The following HDAC8 variants were observed in gnomAD, a reference collection of about 807,000 sequenced individuals.
HDAC8 encodes histone deacetylase 8.
HDAC8 carries 1 observed loss-of-function variant against 32.2 expected under a neutral mutation model. That is an observed-to-expected ratio of 0.03 (90% CI 0.01 to 0.15). The LOEUF (loss-of-function observed/expected upper bound fraction) is 0.15. HDAC8 is among the 10% of genes least tolerant of loss of function. The probability of loss-of-function intolerance (pLI) is 1.00; values close to 1 mark genes in which losing one functional copy is unlikely to be tolerated. For synonymous variants in HDAC8, 108 were observed against 113.9 expected (o/e 0.95, Z 0.33); for missense variants, 117 against 300.0 (o/e 0.39, Z 4.51).
chrX:72,386,504 G>A (rs1182270703), intron 9 of HDAC8, among the ~76,000 whole-genome samples: 1 of 111,263 alleles, frequency 9.0e-6, no homozygotes, highest in Non-Finnish European at 1.9e-5. Context: ...ATTCTGAATG[G>A]TGGGAATAAG....
intron 10 of HDAC8, among the ~76,000 whole-genome samples, chrX:72,332,217 C>T (rs2147666379): frequency 8.9e-6 from 1 of 112,563 alleles, no homozygotes; most frequent in East Asian, 2.8e-4. Flanking sequence ...CAGTTTTTGG[C>T]TATAGAATCA....
intron 3 of HDAC8, 72 bp from the exon 4 acceptor site, chrX:72,568,102 C>T (rs1205775933): frequency 2.0e-6 from 2 of 976,659 alleles, no homozygotes; most frequent in African/African-American, 3.8e-5. Context: ...TGAGGTGTGA[C>T]AACAACCTAA....
At chrX:72,488,741 G>T (rs992253837) in intron 7 of HDAC8, among the ~76,000 whole-genome samples, 192 bp downstream of exon 7, 2 of 111,523 alleles carry the variant, frequency 1.8e-5, no homozygotes, top group African/African-American at 6.5e-5. Context: ...GCATGGCTCT[G>T]GTCCAACTGC....
intron 9 of HDAC8, among the ~76,000 whole-genome samples, chrX:72,428,871 T>C (rs1275039283): frequency 8.9e-6 from 1 of 111,828 alleles, no homozygotes; most frequent in Non-Finnish European, 1.9e-5. Flanking sequence ...GTTAACCTCT[T>C]TGAGACATAA....
intron 4 of HDAC8, among the ~76,000 whole-genome samples, chrX:72,504,750 T>A (rs887577212): frequency 6.2e-5 from 7 of 112,536 alleles, no homozygotes; most frequent in African/African-American, 2.3e-4. Context: ...AGTAATTCTA[T>A]GTTTAACTTT....
intron 9 of HDAC8, among the ~76,000 whole-genome samples, chrX:72,440,881 A>G (rs1186407195): frequency 1.8e-5 from 2 of 112,723 alleles, no homozygotes; most frequent in Non-Finnish European, 3.8e-5. Flanking sequence ...AGGACATTAT[A>G]TCCCGCACCT....
chrX:72,415,039 A>C (rs1346633747), intron 9 of HDAC8, among the ~76,000 whole-genome samples: 1 of 112,507 alleles, frequency 8.9e-6, no homozygotes, highest in Non-Finnish European at 1.9e-5. Flanking sequence ...AATATAGTTT[A>C]TATGTCTTTT....
intron 10 of HDAC8, among the ~76,000 whole-genome samples, chrX:72,335,710 A>C (rs1439361763): frequency 2.0e-4 from 22 of 110,703 alleles, no homozygotes; most frequent in African/African-American, 7.2e-4. Flanking sequence ...CAGGAGTTCA[A>C]GACTAGCCTG....
At chrX:72,495,742 A>G (rs2099076606) in intron 4 of HDAC8, among the ~76,000 whole-genome samples, 1 of 112,123 alleles carries the variant, frequency 8.9e-6, no homozygotes, top group Non-Finnish European at 1.9e-5. Flanking sequence ...GACACAAACT[A>G]GAATTTTTAA....
At chrX:72,515,219 G>C (rs782787373) in intron 4 of HDAC8, among the ~76,000 whole-genome samples, 1 of 110,474 alleles carries the variant, frequency 9.1e-6, no homozygotes, top group East Asian at 2.9e-4. Context: ...TCTACCCCTG[G>C]TAACCGCCAT....
At chrX:72,397,095 A>G (rs782461498) in intron 9 of HDAC8, among the ~76,000 whole-genome samples, 1 of 110,280 alleles carries the variant, frequency 9.1e-6, no homozygotes, top group Non-Finnish European at 1.9e-5. Context: ...AGCAAGAGTG[A>G]TGGGGGGAAG....
intron 4 of HDAC8, among the ~76,000 whole-genome samples, chrX:72,535,931 A>C (rs994227508): frequency 8.9e-6 from 1 of 112,062 alleles, no homozygotes; most frequent in Non-Finnish European, 1.9e-5. Flanking sequence ...ATTAGAACAC[A>C]TTAGCTTTCT....
chrX:72,384,541 G>C (rs1344292878), intron 9 of HDAC8, among the ~76,000 whole-genome samples: 1 of 111,499 alleles, frequency 9.0e-6, no homozygotes, highest in Non-Finnish European at 1.9e-5. Flanking sequence ...TCTAGAGCCA[G>C]ACACCAGGGC....
At chrX:72,500,493 T>C (rs1294221784) in intron 4 of HDAC8, among the ~76,000 whole-genome samples, 3 of 112,214 alleles carry the variant, frequency 2.7e-5, no homozygotes, top group Admixed American at 9.4e-5. Flanking sequence ...TCAATAAATG[T>C]GATTCATCAC....
intron 9 of HDAC8, among the ~76,000 whole-genome samples, chrX:72,398,481 A>G (rs782304180): frequency 2.8e-5 from 3 of 108,562 alleles, no homozygotes; most frequent in African/African-American, 1.0e-4. Flanking sequence ...ATGAGCCACC[A>G]TGTCCTGATA....
At chrX:72,379,059 T>C (rs1555959170) in intron 9 of HDAC8, among the ~76,000 whole-genome samples, 1 of 111,444 alleles carries the variant, frequency 9.0e-6, no homozygotes, top group African/African-American at 3.3e-5. Flanking sequence ...GGTTTCGCCA[T>C]GTTGGCCAGG....
chrX:72,392,372 G>A (rs1488275468), intron 9 of HDAC8, among the ~76,000 whole-genome samples: 4 of 111,683 alleles, frequency 3.6e-5, no homozygotes, highest in African/African-American at 1.3e-4. Flanking sequence ...TCAGATGGAG[G>A]AAAAAATACA....
chrX:72,355,412 T>C (rs2044306113), intron 9 of HDAC8, among the ~76,000 whole-genome samples: 1 of 111,649 alleles, frequency 9.0e-6, no homozygotes, highest in Non-Finnish European at 1.9e-5. Context: ...TGCTAACCTC[T>C]CTCCACCCCT....
chrX:72,553,568 T>A (rs782217318), intron 4 of HDAC8, among the ~76,000 whole-genome samples: 4 of 111,689 alleles, frequency 3.6e-5, no homozygotes, highest in Non-Finnish European at 7.5e-5. Context: ...TTATCAAAGA[T>A]CTTCCTTTGT....
Sources: gnomAD v4.1 joint callset for allele counts (sites outside exome capture counted in the v4.1 genomes callset) on GRCh38, gnomAD v4.1.1 for gene constraint, MANE v1.5 for transcripts, NCBI Gene and HGNC (gene_info 2026-07-23, HGNC 2026-07-21) for gene names.